Variants in NUP133 observed in about 807,000 individuals in gnomAD.
NUP133 encodes the protein nuclear pore complex protein Nup133.
Under a neutral mutation model 146.2 loss-of-function variants are expected in NUP133, and 66 were observed. The ratio of observed to expected loss-of-function variants is 0.45; its 90% CI spans 0.37 to 0.55. The LOEUF is 0.55. Among genes scored for constraint, NUP133 ranks in the 20% least tolerant of loss-of-function variants. The pLI, the probability that NUP133 is intolerant of heterozygous loss-of-function variation, is 0.00. For missense variants in NUP133, 1,277 were observed against 1,374.8 expected, an observed-to-expected ratio of 0.93 and a Z score of 1.12; for synonymous variants, 521 against 498.8, an observed-to-expected ratio of 1.04 and a Z score of -0.59.
At chr1:229,501,841 A>G (rs1183479677) in intron 3 of NUP133, among the ~76,000 whole-genome samples, 158 bp downstream of exon 3, 1 of 152,230 alleles carries the variant, frequency 6.6e-6, no homozygotes, top group East Asian at 1.9e-4. Flanking sequence ...ATGTGTATGC[A>G]TGCTCATTAT....
intron 21 of NUP133, among the ~76,000 whole-genome samples, chr1:229,455,920 T>C (rs11809516): frequency 0.045 from 6,914 of 152,288 alleles, 463 homozygotes; most frequent in African/African-American, 0.15. Flanking sequence ...GTTACGGTTA[T>C]TTTGAGGGTG....
intron 22 of NUP133, among the ~76,000 whole-genome samples, chr1:229,451,838 C>T (rs1267122224): frequency 1.3e-5 from 2 of 152,044 alleles, no homozygotes; most frequent in African/African-American, 2.4e-5. Flanking sequence ...AGAGTAAAAT[C>T]GGCACTACTT....
chr1:229,508,257 AG>A lies in NUP133; in HGVS notation c.-9del, dbSNP rs1263800271. On this transcript the variant is annotated 5_prime_UTR_variant, in exon 1 of 26. Coordinates refer to ENST00000261396, the MANE Select transcript of NUP133 (RefSeq NM_018230.3). ...AGGGGCGGCTGGGAACATGACTCCA[AG>A]GAGCAGCGACTAGGACAGCGAGGGA... 2 of 1,496,628 alleles carry A rather than the reference AG, an allele frequency of 1.3e-6. No individual in the cohort carries two copies. The highest frequency in any genetic ancestry group is 1.4e-5 in the African/African-American group (1 of 69,698). The allele number at this position is 1,496,628 out of a possible 1,614,324, so 92.7% of individuals were successfully genotyped here. A position where few individuals can be genotyped will look rare whatever the true frequency, so the allele number is the denominator to read the frequency against.
rs1325546787 is a variant in NUP133, at chr1:229,458,145, G to A, written c.2980+16C>T. 2.5e-6 allele frequency: 4 copies of A among 1,606,072 alleles called. No individual in the cohort carries two copies. The highest frequency in any genetic ancestry group is 2.6e-6 in the Non-Finnish European group (3 of 1,175,182). ...GCATGACCAATTTGTAAATCCTTTT[G>A]CTCAAATTCTTTCACCTTCAATTTT... On this transcript the variant is annotated intron_variant, in intron 21 of 25. Transcript: ENST00000261396.
intron 14 of NUP133, 55 bp downstream of exon 14, chr1:229,475,583 G>C: frequency 7.8e-7 from 1 of 1,280,162 alleles, no homozygotes; most frequent in Non-Finnish European, 1.1e-6. Flanking sequence ...ACTTCCCACT[G>C]TGTTGGAGAG....
intron 16 of NUP133, 105 bp from the exon 17 acceptor site, chr1:229,465,624 G>A (rs940820706): frequency 2.7e-5 from 23 of 851,680 alleles, no homozygotes; most frequent in Non-Finnish European, 4.0e-5. Flanking sequence ...AAAATACTCA[G>A]GGGCCAGGAA....
At chr1:229,465,621 T>A in intron 16 of NUP133, 102 bp from the exon 17 acceptor site, 1 of 871,686 alleles carries the variant, frequency 1.1e-6, no homozygotes, top group Admixed American at 2.1e-5. Flanking sequence ...GAAAAAATAC[T>A]CAGGGGCCAG....
intron 12 of NUP133, among the ~76,000 whole-genome samples, chr1:229,479,658 G>A (rs952492108): frequency 6.6e-6 from 1 of 152,138 alleles, no homozygotes; most frequent in Non-Finnish European, 1.5e-5. Flanking sequence ...CTTTGGAGAA[G>A]ATAAGCTCGG....
At chr1:229,495,792 T>C in intron 7 of NUP133, 100 bp downstream of exon 7, 1 of 1,091,098 alleles carries the variant, frequency 9.2e-7, no homozygotes, top group South Asian at 1.6e-5. Context: ...TGTTGTTTAT[T>C]ACACTGAAAT....
At chr1:229,499,344 C>CT in intron 5 of NUP133, 4 of 451,086 alleles carry the variant, frequency 8.9e-6, no homozygotes, top group South Asian at 6.6e-5. Flanking sequence ...TTTTGGAGTC[C>CT]TGTGAGAAGA....
chr1:229,470,602 G>A lies in NUP133; in HGVS notation c.2054C>T (p.Pro685Leu). 2.5e-6 allele frequency: 4 copies of A among 1,614,144 alleles called. No homozygotes were observed. Among genetic ancestry groups the A allele is most frequent in the Non-Finnish European group, 3.4e-6 (4 of 1,179,982 alleles). ...TACCTCCCTGAAAAAGACATCTGCA[G>A]GAGTCAGGTTGGATGGGATTTCATA... ...REYEIPSNLT[P>L]ADVFFREVSQ... is the part of the protein sequence containing the mutation. Residue 685 changes from proline (P) to leucine (L), a missense_variant, in exon 15 of 26, where the codon CCT becomes CTT. By Grantham distance (98) the Pro-to-Leu change is moderately conservative. Around this residue, in one of 3 missense-constraint regions of NUP133, gnomAD observed 952 missense variants for 1,047.0 expected, o/e 0.91. Coordinates refer to ENST00000261396, the MANE Select transcript of NUP133 (RefSeq NM_018230.3).
chr1:229,464,584 T>G (rs1422622431), intron 18 of NUP133, 40 bp downstream of exon 18: 2 of 1,603,508 alleles, frequency 1.2e-6, no homozygotes, highest in Non-Finnish European at 1.7e-6. Flanking sequence ...TTTCATCCAT[T>G]CAGCAAATTT....
intron 8 of NUP133, among the ~76,000 whole-genome samples, chr1:229,491,095 C>G (rs950175607): frequency 1.3e-5 from 2 of 152,014 alleles, no homozygotes; most frequent in East Asian, 3.9e-4. Flanking sequence ...AAAGTACAGC[C>G]CTCCAGTGAA....
chr1:229,466,547 A>G, intron 16 of NUP133, 87 bp downstream of exon 16: 2 of 1,417,316 alleles, frequency 1.4e-6, no homozygotes, highest in Non-Finnish European at 2.0e-6. Context: ...CATTATCGGC[A>G]ATACAGAGTA....
chr1:229,455,539 C>CTGT (rs1342636348), intron 21 of NUP133, among the ~76,000 whole-genome samples: 1 of 152,074 alleles, frequency 6.6e-6, no homozygotes, highest in Non-Finnish European at 1.5e-5. Context: ...CCAGCCTGGG[C>CTGT]AACAGAGTGA....
chr1:229,475,985 G>T (rs1348627158), intron 13 of NUP133, among the ~76,000 whole-genome samples: 1 of 152,104 alleles, frequency 6.6e-6, no homozygotes, highest in Non-Finnish European at 1.5e-5. Flanking sequence ...GCGCATGCCT[G>T]TAGTCCCAGC....
At chr1:229,491,266 C>G (rs909231601) in intron 8 of NUP133, among the ~76,000 whole-genome samples, 1 of 152,162 alleles carries the variant, frequency 6.6e-6, no homozygotes, top group African/African-American at 2.4e-5. Flanking sequence ...TTACTTTTGG[C>G]CCTTTACAGA....
At chr1:229,492,177 G>T (rs1408117030) in intron 8 of NUP133, among the ~76,000 whole-genome samples, 1 of 151,686 alleles carries the variant, frequency 6.6e-6, no homozygotes, top group African/African-American at 2.4e-5. Flanking sequence ...CGTGATCTCG[G>T]CTCACTGCAA....
intron 8 of NUP133, among the ~76,000 whole-genome samples, chr1:229,491,607 C>T (rs1275025503): frequency 6.6e-6 from 1 of 152,184 alleles, no homozygotes; most frequent in Non-Finnish European, 1.5e-5. Context: ...GGCAAAATCC[C>T]ATCTCTACTA....
Sources: allele counts gnomAD v4.1 joint callset (sites outside exome capture counted in the v4.1 genomes callset), GRCh38; gene constraint gnomAD v4.1.1; regional missense constraint gnomAD v4.1.1; transcripts MANE v1.5; gene names NCBI Gene and HGNC (gene_info 2026-07-23, HGNC 2026-07-21).